SPIDR: variants seen among roughly 807,000 people sequenced by gnomAD.
SPIDR encodes the protein DNA repair-scaffolding protein.
Under a neutral mutation model 104.6 loss-of-function variants are expected in SPIDR, and 93 were observed. That is an observed-to-expected ratio of 0.89 (90% CI 0.75 to 1.06). The LOEUF is 1.06. Among genes scored for constraint, SPIDR ranks in the 50% least tolerant of loss-of-function variants. The pLI, the probability that SPIDR is intolerant of heterozygous loss-of-function variation, is 0.00. For synonymous variants in SPIDR, 431 were observed against 416.9 expected (o/e 1.03, Z -0.41); for missense variants, 1,154 against 1,111.2 (o/e 1.04, Z -0.55).
chr8:47,508,993 A>G (rs889824675), intron 8 of SPIDR, among the ~76,000 whole-genome samples: 55 of 152,048 alleles, frequency 3.6e-4, no homozygotes, highest in African/African-American at 1.0e-3. Flanking sequence ...AGGACCAGCC[A>G]CTCCTTCAGT....
chr8:47,338,698 A>G (rs1307049504), intron 5 of SPIDR, among the ~76,000 whole-genome samples: 2 of 152,238 alleles, frequency 1.3e-5, no homozygotes, highest in African/African-American at 2.4e-5. Flanking sequence ...TAATGTTCTA[A>G]AACTTTATTG....
intron 10 of SPIDR, among the ~76,000 whole-genome samples, chr8:47,647,669 GGAGAGAGGGA>G (rs2070773687): frequency 1.3e-5 from 1 of 78,584 alleles, no homozygotes; most frequent in African/African-American, 4.5e-5. Flanking sequence ...AGAGAGAGAG[GGAGAGAGGGA>G]GAGAGAGAGA....
rs530566520 is a variant in SPIDR, at chr8:47,678,104, T to C, written c.1685+4163T>C. Among the ~76,000 whole-genome samples the C allele has an allele frequency of 1.5e-4, 23 of 152,282 alleles. 1 individual carries two copies. Among genetic ancestry groups the C allele is most frequent in the Middle Eastern group, 3.4e-3 (1 of 294 alleles). On this transcript the variant is annotated intron_variant, in intron 11 of 19. Transcript: ENST00000297423. ...CAGTAAATATTATTTAGTCCCTGTT[T>C]GTACTATGCTCCCAGCTAGTTGCCA...
chr8:47,699,562 T>TG, intron 11 of SPIDR, among the ~76,000 whole-genome samples: 1 of 147,160 alleles, frequency 6.8e-6, no homozygotes, highest in East Asian at 2.0e-4. Flanking sequence ...TTCAGATAAC[T>TG]TTTTTTTTTT....
intron 19 of SPIDR, among the ~76,000 whole-genome samples, chr8:47,733,589 G>T (rs757622559): frequency 1.3e-5 from 2 of 151,190 alleles, no homozygotes; most frequent in South Asian, 4.3e-4. Flanking sequence ...AGGGTGTCCA[G>T]CGCATATGCC....
At chr8:47,588,048 T>C (rs1436644301) in intron 8 of SPIDR, among the ~76,000 whole-genome samples, 3 of 62,100 alleles carry the variant, frequency 4.8e-5, no homozygotes, top group African/African-American at 1.8e-4. Flanking sequence ...TATATATATA[T>C]ATATATATAT....
At chr8:47,729,891 G>A (rs1282264021) in intron 19 of SPIDR, among the ~76,000 whole-genome samples, 1 of 152,092 alleles carries the variant, frequency 6.6e-6, no homozygotes, top group Non-Finnish European at 1.5e-5. Flanking sequence ...GCTAATTTTT[G>A]TATTTTTAGT....
chr8:47,544,753 G>A (rs1229496857), intron 8 of SPIDR, among the ~76,000 whole-genome samples: 3 of 152,242 alleles, frequency 2.0e-5, no homozygotes, highest in East Asian at 3.9e-4. Context: ...TTGAAATCAC[G>A]TTCATAGCAC....
chr8:47,641,497 T>C (rs1478226116), intron 10 of SPIDR, among the ~76,000 whole-genome samples: 2 of 152,246 alleles, frequency 1.3e-5, no homozygotes, highest in South Asian at 2.1e-4. Context: ...GTGCCTACTA[T>C]AGATGAGACG....
chr8:47,538,952 C>A (rs2087526513), intron 8 of SPIDR, among the ~76,000 whole-genome samples: 1 of 150,736 alleles, frequency 6.6e-6, no homozygotes, highest in Non-Finnish European at 1.5e-5. Context: ...CCTCCGCTTC[C>A]CAGGTTCAAG....
intron 5 of SPIDR, among the ~76,000 whole-genome samples, chr8:47,365,522 GT>G (rs1554633906): frequency 6.6e-6 from 1 of 152,108 alleles, no homozygotes; most frequent in East Asian, 1.9e-4. Flanking sequence ...ACCCTCATCT[GT>G]TTAGCTGTCC....
At chr8:47,590,275 A>G (rs184702916) in intron 8 of SPIDR, among the ~76,000 whole-genome samples, 20 of 151,580 alleles carry the variant, frequency 1.3e-4, no homozygotes, top group African/African-American at 4.6e-4. Context: ...TTGATTTGAG[A>G]CTTTTTTCTT....
intron 8 of SPIDR, among the ~76,000 whole-genome samples, chr8:47,509,321 A>G (rs1291160177): frequency 2.6e-5 from 4 of 152,182 alleles, no homozygotes; most frequent in Non-Finnish European, 5.9e-5. Context: ...TCCTGTCTGT[A>G]GCCTCTTGGG....
rs2073047948 is a variant in SPIDR, at chr8:47,657,482, T to C, written c.1545-16319T>C. On this transcript the variant is annotated intron_variant, in intron 10 of 19. Transcript: ENST00000297423. ...TATGGTGATGGAACTGTTCAGTATTTTGACTGTGGTAGAAGGTACAGGATC... is the reference window on the plus strand; with the variant it reads ...TATGGTGATGGAACTGTTCAGTATTCTGACTGTGGTAGAAGGTACAGGATC... Among the ~76,000 whole-genome samples the C allele has an allele frequency of 2.0e-5, 3 of 152,286 alleles. No individual in the cohort carries two copies. The South Asian group carries it at 6.2e-4, about 32-fold the overall frequency.
chr8:47,465,446 A>G (rs187302079), intron 8 of SPIDR, among the ~76,000 whole-genome samples: 45 of 152,272 alleles, frequency 3.0e-4, no homozygotes, highest in Admixed American at 3.3e-4. Context: ...TCAAGGCCCA[A>G]TAGACGGCTG....
intron 8 of SPIDR, among the ~76,000 whole-genome samples, chr8:47,573,280 T>A (rs888123932): frequency 5.3e-5 from 8 of 152,158 alleles, no homozygotes; most frequent in African/African-American, 1.7e-4. Flanking sequence ...GTTAAAAGTT[T>A]ATGTTTCAAG....
chr8:47,560,394 T>C (rs141386997), intron 8 of SPIDR, among the ~76,000 whole-genome samples: 1 of 152,356 alleles, frequency 6.6e-6, no homozygotes, highest in East Asian at 1.9e-4. Flanking sequence ...CTTTGAGTAC[T>C]GGGTAGCCTG....
At chr8:47,463,560 A>G (rs552896091) in intron 8 of SPIDR, among the ~76,000 whole-genome samples, 3 of 152,312 alleles carry the variant, frequency 2.0e-5, no homozygotes, top group East Asian at 3.9e-4. Context: ...AAAAATAGAC[A>G]AAGATTTTAC....
intron 7 of SPIDR, among the ~76,000 whole-genome samples, chr8:47,412,388 G>A (rs558513329): frequency 6.6e-6 from 1 of 152,324 alleles, no homozygotes; most frequent in African/African-American, 2.4e-5. Flanking sequence ...GTAATTGAAT[G>A]CCACAGGGAC....
Sources: allele counts gnomAD v4.1 joint callset (sites outside exome capture counted in the v4.1 genomes callset), GRCh38; gene constraint gnomAD v4.1.1; transcripts MANE v1.5; gene names NCBI Gene and HGNC (gene_info 2026-07-23, HGNC 2026-07-21).